ALK: variants seen among roughly 807,000 people sequenced by gnomAD.
The protein encoded by ALK is ALK tyrosine kinase receptor.
ALK carries 74 observed loss-of-function variants against 163.1 expected under a neutral mutation model. That is an observed-to-expected ratio of 0.45 (90% CI 0.38 to 0.55). ALK has a LOEUF of 0.55. Among genes scored for constraint, ALK ranks in the 20% least tolerant of loss-of-function variants. The pLI is 0.00. For missense variants in ALK, 2,063 were observed against 2,105.3 expected, an observed-to-expected ratio of 0.98 and a Z score of 0.39; for synonymous variants, 960 against 843.2, an observed-to-expected ratio of 1.14 and a Z score of -2.40.
At chr2:29,803,728 T>C (rs1664541665) in intron 1 of ALK, among the ~76,000 whole-genome samples, 1 of 152,178 alleles carries the variant, frequency 6.6e-6, no homozygotes, top group African/African-American at 2.4e-5. Context: ...CATAGTGAAA[T>C]GTAGATTTAA....
chr2:29,843,838 G>A (rs866012402), intron 1 of ALK, among the ~76,000 whole-genome samples: 1 of 152,180 alleles, frequency 6.6e-6, no homozygotes, highest in Admixed American at 6.5e-5. Context: ...CACCCTACGC[G>A]AAGTTACTAC....
At chr2:29,817,359 G>A (rs1407299322) in intron 1 of ALK, among the ~76,000 whole-genome samples, 1 of 152,192 alleles carries the variant, frequency 6.6e-6, no homozygotes, top group African/African-American at 2.4e-5. Flanking sequence ...CTGCATGGTT[G>A]GAGTGGGGGA....
intron 4 of ALK, among the ~76,000 whole-genome samples, chr2:29,494,870 G>C (rs1474277471): frequency 6.6e-6 from 1 of 151,582 alleles, no homozygotes; most frequent in Non-Finnish European, 1.5e-5. Flanking sequence ...GTGTGTGTGT[G>C]TGTGTGCATG....
At chr2:29,639,193 G>A (rs1011212215) in intron 3 of ALK, among the ~76,000 whole-genome samples, 8 of 152,102 alleles carry the variant, frequency 5.3e-5, no homozygotes, top group Admixed American at 2.0e-4. Context: ...AAAAGGATTC[G>A]GATCTTGCAT....
rs1573128815 is a variant in ALK at position 29,225,503 on chromosome 2, G to A, written c.3130C>T (p.Leu1044Phe). ...AAAGCCAGGACCAGGGCGGCCACGA[G>A]GGCAGAGGTCACCACAGAGAGGATC... Reference protein sequence around the residue: ...SLILSVVTSALVAALVLAFSG... With the variant: ...SLILSVVTSAFVAALVLAFSG... The change falls in exon 19 of 29, where the codon CTC becomes TTC. Residue 1044 changes from leucine to phenylalanine, a missense_variant. Transcript: ENST00000389048. 7.4e-6 allele frequency: 12 copies of A among 1,613,520 alleles called. No individual in the cohort carries two copies. Among genetic ancestry groups the A allele is most frequent in the Non-Finnish European group, 1.0e-5 (12 of 1,179,978 alleles).
intron 3 of ALK, among the ~76,000 whole-genome samples, chr2:29,559,343 T>C (rs931565187): frequency 1.2e-4 from 18 of 152,218 alleles, no homozygotes; most frequent in Non-Finnish European, 2.6e-4. Context: ...TCTTGGGATC[T>C]GAGTAGGACT....
At chr2:29,505,669 A>C (rs1414597129) in intron 4 of ALK, among the ~76,000 whole-genome samples, 1 of 152,130 alleles carries the variant, frequency 6.6e-6, no homozygotes, top group Admixed American at 6.5e-5. Context: ...CACTTGCTTC[A>C]TACCAATAAA....
At chr2:29,248,568 T>C (rs773433169) in intron 12 of ALK, among the ~76,000 whole-genome samples, 4 of 152,210 alleles carry the variant, frequency 2.6e-5, no homozygotes, top group Admixed American at 6.5e-5. Context: ...CTTTACTAAT[T>C]TGGACACTTC....
intron 3 of ALK, among the ~76,000 whole-genome samples, chr2:29,604,772 T>A (rs113520138): frequency 1.0e-3 from 159 of 152,300 alleles, no homozygotes; most frequent in African/African-American, 3.7e-3. Context: ...TCTGCTCACA[T>A]CTCTGACACA....
At chr2:29,879,020 G>C (rs1666793148) in intron 1 of ALK, among the ~76,000 whole-genome samples, 1 of 152,128 alleles carries the variant, frequency 6.6e-6, no homozygotes, top group South Asian at 2.1e-4. Context: ...TGATGCCAGG[G>C]AGTGTCAGTC....
In ALK at chr2:29,898,949, C is replaced by T. The variant is rs1667340928; in HGVS notation, c.667+21044G>A. 2.0e-5 allele frequency among the ~76,000 whole-genome samples: 3 copies of T among 152,164 alleles called. No individual in the cohort carries two copies. The South Asian group carries it at 6.2e-4, about 32-fold the overall frequency. On this transcript the variant is annotated intron_variant, in intron 1 of 28. Transcript: ENST00000389048. ...GTGACTACCTGGCAGGCACTTCCTCCTTCCTTCTTGCTCACAGAGCCTCTG... is the reference window on the plus strand; with the variant it reads ...GTGACTACCTGGCAGGCACTTCCTCTTTCCTTCTTGCTCACAGAGCCTCTG...
At chr2:29,275,712 A>G (rs1304191951) in intron 9 of ALK, among the ~76,000 whole-genome samples, 1 of 152,220 alleles carries the variant, frequency 6.6e-6, no homozygotes, top group Non-Finnish European at 1.5e-5. Context: ...CGTACTGTTA[A>G]TGGCTGACAC....
chr2:29,378,693 C>T (rs1219514909), intron 5 of ALK, among the ~76,000 whole-genome samples: 4 of 151,972 alleles, frequency 2.6e-5, no homozygotes, highest in Non-Finnish European at 4.4e-5. Flanking sequence ...CAGGGCCATG[C>T]TGATCCTCCC....
chr2:29,880,392 C>T (rs1326105217), intron 1 of ALK, among the ~76,000 whole-genome samples: 1 of 152,154 alleles, frequency 6.6e-6, no homozygotes, highest in African/African-American at 2.4e-5. Context: ...TATCAGAGCC[C>T]TTGGCTGAGT....
chr2:29,545,368 C>CTAT (rs548285916), intron 3 of ALK, among the ~76,000 whole-genome samples: 59 of 152,334 alleles, frequency 3.9e-4, no homozygotes, highest in African/African-American at 1.4e-3. Context: ...TTGAATTCTA[C>CTAT]TATCCTGTGT....
intron 5 of ALK, among the ~76,000 whole-genome samples, chr2:29,374,448 C>T (rs897590594): frequency 1.3e-5 from 2 of 149,846 alleles, no homozygotes; most frequent in Non-Finnish European, 3.0e-5. Flanking sequence ...AAAAAAAGCA[C>T]TTCACTGCTA....
At chr2:29,361,050 CA>C (rs1314044061) in intron 5 of ALK, among the ~76,000 whole-genome samples, 1 of 152,226 alleles carries the variant, frequency 6.6e-6, no homozygotes, top group Non-Finnish European at 1.5e-5. Flanking sequence ...GTCAGAAGTC[CA>C]GCAGCAAAGT....
chr2:29,486,243 G>A (rs1671774067), intron 4 of ALK, among the ~76,000 whole-genome samples: 1 of 151,956 alleles, frequency 6.6e-6, no homozygotes, highest in African/African-American at 2.4e-5. Flanking sequence ...AATTAATAAT[G>A]GAGAATCTTG....
At chr2:29,388,434 T>A (rs1669085014) in intron 4 of ALK, among the ~76,000 whole-genome samples, 1 of 152,206 alleles carries the variant, frequency 6.6e-6, no homozygotes, top group Admixed American at 6.5e-5. Flanking sequence ...GGAATGCCTT[T>A]CTGAGATGGT....
Sources: allele counts gnomAD v4.1 joint callset (sites outside exome capture counted in the v4.1 genomes callset), GRCh38; gene constraint gnomAD v4.1.1; transcripts MANE v1.5; gene names NCBI Gene and HGNC (gene_info 2026-07-23, HGNC 2026-07-21).